RAD54B: variants seen among roughly 807,000 people sequenced by gnomAD.
The protein encoded by RAD54B is RAD54 homolog B, also known as DNA repair and recombination protein RAD54B.
A neutral mutation model predicts 95.8 loss-of-function variants in RAD54B; 78 were observed. The observed-to-expected ratio is 0.81, with a 90% CI of 0.68 to 0.98. The LOEUF (loss-of-function observed/expected upper bound fraction) is 0.98, where lower values mean the gene tolerates loss of function less well. RAD54B is among the 50% of genes least tolerant of loss of function. The probability of loss-of-function intolerance (pLI) is 0.00; values close to 1 mark genes in which losing one functional copy is unlikely to be tolerated. For synonymous variants in RAD54B, 328 were observed against 354.9 expected, an observed-to-expected ratio of 0.92 and a Z score of 0.85; for missense variants, 957 against 1,056.6, an observed-to-expected ratio of 0.91 and a Z score of 1.31.
At chr8:94,419,464 T>C (rs1276286344) in intron 3 of RAD54B, among the ~76,000 whole-genome samples, 1 of 151,968 alleles carries the variant, frequency 6.6e-6, no homozygotes, top group Non-Finnish European at 1.5e-5. Flanking sequence ...GCCGAGATCA[T>C]GCCACTGCAC....
At chr8:94,375,279 T>C (rs1299213031) in intron 14 of RAD54B, among the ~76,000 whole-genome samples, 1 of 152,236 alleles carries the variant, frequency 6.6e-6, no homozygotes, top group East Asian at 1.9e-4. Context: ...GGTTTGGCAG[T>C]GTCCCCACCC....
intron 3 of RAD54B, 58 bp from the exon 4 acceptor site, chr8:94,411,373 G>C: frequency 2.2e-6 from 3 of 1,380,806 alleles, no homozygotes; most frequent in African/African-American, 1.5e-5. Flanking sequence ...TAAGTAGTAA[G>C]GTCATTCAAA....
intron 4 of RAD54B, among the ~76,000 whole-genome samples, chr8:94,410,727 G>A (rs1366803763): frequency 6.6e-6 from 1 of 152,084 alleles, no homozygotes; most frequent in Non-Finnish European, 1.5e-5. Context: ...GAGTAGTGCT[G>A]AAATTACATA....
chr8:94,391,766 G>A lies in RAD54B; in HGVS notation c.1652C>T (p.Pro551Leu), dbSNP rs1811027349. The change falls in exon 10 of 15, where the codon CCA becomes CTA. Residue 551 changes from proline to leucine, a missense_variant. Coordinates refer to ENST00000336148, the MANE Select transcript of RAD54B (RefSeq NM_012415.3). ...PKIENVVFCR[P>L]GALQIELYRK... is the part of the protein sequence containing the mutation. The stretch of plus-strand genomic sequence containing the variant: ...ATAAAGCTCAATCTGTAGTGCTCCT[G>A]GTCGGCAAAAGACAACATTCTCTAT... The A allele has an allele frequency of 6.2e-7, 1 of 1,613,898 alleles. No homozygotes were observed. Among genetic ancestry groups the A allele is most frequent in the Non-Finnish European group, 8.5e-7 (1 of 1,180,018 alleles).
rs567081303 is a variant in RAD54B, at chr8:94,447,091, G to C, written c.304+11177C>G. Among the ~76,000 whole-genome samples, 32 of 152,192 alleles carry C rather than the reference G, an allele frequency of 2.1e-4. No homozygotes were observed. In the South Asian group the frequency reaches 6.2e-3, roughly 30 times the overall value. ...ATCTCACACTTCATCACTGTGCTTT[G>C]GTGGTGATATTCTGTGATGTTAAGC... On this transcript the variant is annotated intron_variant, in intron 3 of 14. Coordinates refer to ENST00000336148, the MANE Select transcript of RAD54B (RefSeq NM_012415.3).
In RAD54B at chr8:94,417,657, C is replaced by T. The variant is rs527727441; in HGVS notation, c.305-6342G>A. 4.6e-5 allele frequency among the ~76,000 whole-genome samples: 7 copies of T among 151,240 alleles called. No individual in the cohort carries two copies. In the East Asian group the frequency reaches 1.4e-3, roughly 29 times the overall value. ...ACCAGCCATTACACTGCTAGGTATT[C>T]ACCAAAATAAAAGAAGAAGAAGAAG... On this transcript the variant is annotated intron_variant, in intron 3 of 14. Coordinates refer to ENST00000336148, the MANE Select transcript of RAD54B (RefSeq NM_012415.3).
At position 94,440,939 on chromosome 8, in the gene RAD54B, G is replaced by A. The variant is rs568085156; in HGVS notation, c.304+17329C>T. ...TGAAATCAAAGACAGGCAGCCCGGC[G>A]CCAGGTCCAAAACCAGGCCTGGGCC... is the stretch of plus-strand genomic sequence containing the variant. On this transcript the variant is annotated intron_variant, in intron 3 of 14. Transcript: ENST00000336148. Among the ~76,000 whole-genome samples the A allele has an allele frequency of 3.9e-5, 6 of 152,310 alleles. No individual in the cohort carries two copies. The East Asian group carries it at 9.7e-4, about 25-fold the overall frequency.
intron 4 of RAD54B, among the ~76,000 whole-genome samples, chr8:94,410,495 G>C (rs1329714229): frequency 6.6e-6 from 1 of 152,058 alleles, no homozygotes; most frequent in East Asian, 1.9e-4. Flanking sequence ...TAAACATGTA[G>C]AACAGATTTT....
chr8:94,465,103 C>T (rs1382670690), intron 2 of RAD54B, among the ~76,000 whole-genome samples: 1 of 128,434 alleles, frequency 7.8e-6, no homozygotes, highest in Non-Finnish European at 1.7e-5. Context: ...GGACAAATAT[C>T]CAAACTCTAT....
intron 8 of RAD54B, among the ~76,000 whole-genome samples, chr8:94,395,499 G>GA (rs1811122656): frequency 6.6e-6 from 1 of 152,144 alleles, no homozygotes; most frequent in Non-Finnish European, 1.5e-5. Context: ...CTATAGAGGA[G>GA]AATACAGCTC....
chr8:94,411,027 T>A, intron 4 of RAD54B, 94 bp downstream of exon 4: 3 of 919,536 alleles, frequency 3.3e-6, no homozygotes, highest in South Asian at 3.2e-5. Flanking sequence ...TACCTTATCA[T>A]CTCTTTATAA....
intron 2 of RAD54B, among the ~76,000 whole-genome samples, chr8:94,461,643 G>A (rs891514434): frequency 1.3e-5 from 2 of 151,938 alleles, no homozygotes; most frequent in African/African-American, 2.4e-5. Flanking sequence ...CAAATTCATG[G>A]TAACATTCCA....
chr8:94,450,307 C>T (rs1812623557), intron 3 of RAD54B, among the ~76,000 whole-genome samples: 1 of 152,178 alleles, frequency 6.6e-6, no homozygotes, highest in Non-Finnish European at 1.5e-5. Flanking sequence ...CCTTAAACCT[C>T]AACCATAATA....
At chr8:94,427,558 AAGAAATGAAATGTGATATT>A (rs774039735) in intron 3 of RAD54B, among the ~76,000 whole-genome samples, 35 of 152,058 alleles carry the variant, frequency 2.3e-4, no homozygotes, top group Non-Finnish European at 4.6e-4. Flanking sequence ...CATTTGAAAA[AAGAAATGAAATGTGATATT>A]TAGATATGGT....
chr8:94,372,697 T>C (rs962093155), intron 14 of RAD54B, among the ~76,000 whole-genome samples: 4 of 152,146 alleles, frequency 2.6e-5, no homozygotes, highest in Admixed American at 6.5e-5. Flanking sequence ...TCAAAATCCC[T>C]TTCCTAAAAC....
rs1812823609 is a variant in RAD54B at position 94,458,326 on chromosome 8, G to C, written c.246C>G (p.Cys82Trp). 2.5e-6 allele frequency: 4 copies of C among 1,610,154 alleles called. No homozygotes were observed. In the East Asian group the frequency reaches 9.0e-5, roughly 36 times the overall value. ...STREINNRDN[C>W]SGKYCFEAPT... is the part of the protein sequence containing the mutation. Reference sequence around the variant, plus strand: ...GTGCTTCAAAACAATATTTTCCACTGCAATTATCTCTGTTATTGATTTCTC... The same window carrying C: ...GTGCTTCAAAACAATATTTTCCACTCCAATTATCTCTGTTATTGATTTCTC... The change falls in exon 3 of 15, where the codon TGC becomes TGG. Residue 82 changes from cysteine to tryptophan, a missense_variant. Physicochemically the swap from Cys to Trp is radical, Grantham distance 215. Coordinates refer to ENST00000336148, the MANE Select transcript of RAD54B (RefSeq NM_012415.3).
At chr8:94,385,383 A>G (rs1810862914) in intron 11 of RAD54B, among the ~76,000 whole-genome samples, 2 of 152,294 alleles carry the variant, frequency 1.3e-5, no homozygotes, top group South Asian at 2.1e-4. Flanking sequence ...AAAAAAGATA[A>G]TAAGATATGA....
At chr8:94,434,570 G>A (rs182901090) in intron 3 of RAD54B, among the ~76,000 whole-genome samples, 1,898 of 151,766 alleles carry the variant, frequency 0.013, 35 homozygotes, top group Non-Finnish European at 0.016. Flanking sequence ...TTATTAAAAA[G>A]GAAGAGTTTG....
At chr8:94,384,904 G>A (rs1212724468) in intron 11 of RAD54B, among the ~76,000 whole-genome samples, 1 of 152,144 alleles carries the variant, frequency 6.6e-6, no homozygotes, top group Non-Finnish European at 1.5e-5. Context: ...GGAGTTAAGA[G>A]ACCAGCCTGG....
Sources: gnomAD v4.1 joint callset for allele counts (sites outside exome capture counted in the v4.1 genomes callset) on GRCh38, gnomAD v4.1.1 for gene constraint, MANE v1.5 for transcripts, NCBI Gene and HGNC (gene_info 2026-07-23, HGNC 2026-07-21) for gene names.